STXBP4: variants seen among roughly 807,000 people sequenced by gnomAD.
STXBP4 encodes syntaxin-binding protein 4.
STXBP4 carries 55 observed loss-of-function variants against 76.1 expected under a neutral mutation model. The observed-to-expected ratio is 0.72, with a 90% CI of 0.58 to 0.91. The LOEUF (loss-of-function observed/expected upper bound fraction) is 0.91. Among genes scored for constraint, STXBP4 ranks in the 40% least tolerant of loss-of-function variants. STXBP4 has a pLI of 0.00. For missense variants in STXBP4, 618 were observed against 636.9 expected (o/e 0.97, Z 0.32); for synonymous variants, 201 against 220.2 (o/e 0.91, Z 0.77).
At chr17:54,979,975 A>G (rs768830266) in intron 1 of STXBP4, among the ~76,000 whole-genome samples, 2 of 152,200 alleles carry the variant, frequency 1.3e-5, no homozygotes, top group Non-Finnish European at 2.9e-5. Context: ...GTATTATTTT[A>G]GACTTTGCAA....
rs146409442 is a variant in STXBP4 at position 54,976,864 on chromosome 17, G to GT, written c.-157+8050dup. Among the ~76,000 whole-genome samples, 525 of 152,234 alleles carry GT rather than the reference G, an allele frequency of 3.4e-3. 7 individuals are homozygous for GT. Among genetic ancestry groups the GT allele is most frequent in the African/African-American group, 0.012 (509 of 41,536 alleles). Reference sequence around the variant, plus strand: ...TTGTCTTCCACAAAACTGGTCCCTGGTACCAAAAAGGTTGGGGACTGCTGG... The same window carrying GT: ...TTGTCTTCCACAAAACTGGTCCCTGGTTACCAAAAAGGTTGGGGACTGCTGG... On this transcript the variant is annotated intron_variant, in intron 1 of 17. Coordinates refer to ENST00000376352, the MANE Select transcript of STXBP4 (RefSeq NM_178509.6).
At chr17:55,066,612 A>G (rs956521543) in intron 12 of STXBP4, among the ~76,000 whole-genome samples, 1 of 152,332 alleles carries the variant, frequency 6.6e-6, no homozygotes, top group Non-Finnish European at 1.5e-5. Context: ...AAAATTGACA[A>G]ACAAGTATAA....
chr17:55,015,307 C>CA (rs1355621851), intron 8 of STXBP4, among the ~76,000 whole-genome samples: 1 of 152,154 alleles, frequency 6.6e-6, no homozygotes. Context: ...TTCTGTGTCC[C>CA]AATGAGGGTC....
chr17:55,135,282 C>A (rs1231952896), intron 16 of STXBP4, among the ~76,000 whole-genome samples: 2 of 152,046 alleles, frequency 1.3e-5, no homozygotes, highest in African/African-American at 4.8e-5. Flanking sequence ...AGAAATAGCT[C>A]ATATCTAATT....
At chr17:55,041,083 T>C (rs2078690683) in intron 10 of STXBP4, among the ~76,000 whole-genome samples, 1 of 152,122 alleles carries the variant, frequency 6.6e-6, no homozygotes, top group African/African-American at 2.4e-5. Context: ...CTATTTTGCC[T>C]CTCAAAATAG....
rs1440304583 is a variant in STXBP4 at position 55,171,427 on chromosome 17, G to T, written c.*11516G>T. On this transcript the variant is annotated 3_prime_UTR_variant, in exon 18 of 18. Transcript: ENST00000376352. ...TCCTTTAATTCTTATTTTGCTTAAG[G>T]CTGAGTTTTTAAAACATCTAACATC... The T allele has an allele frequency of 6.6e-6, 1 of 152,104 alleles. No individual in the cohort carries two copies. Among genetic ancestry groups the T allele is most frequent in the Non-Finnish European group, 1.5e-5 (1 of 68,000 alleles). 9.4% of individuals were successfully genotyped at this position (152,104 alleles called of 1,614,324 possible).
At chr17:54,983,289 A>G (rs2077576204) in intron 1 of STXBP4, among the ~76,000 whole-genome samples, 1 of 152,190 alleles carries the variant, frequency 6.6e-6, no homozygotes, top group Admixed American at 6.5e-5. Flanking sequence ...TTTATTTTAA[A>G]CCTTAAAATA....
At position 54,999,359 on chromosome 17, in the gene STXBP4, G is replaced by A. The variant is rs1178745720; in HGVS notation, c.195G>A (p.Lys65=). 1 of 1,610,648 alleles carries A rather than the reference G, an allele frequency of 6.2e-7. No homozygotes were observed. The highest frequency in any genetic ancestry group is 1.3e-5 in the African/African-American group (1 of 74,818). ...GTTTTTGTTAGGATGGTCGTTTGAAGCCAGGAGATCAACTTGTCTCAGTCA... is the reference window on the plus strand; with the variant it reads ...GTTTTTGTTAGGATGGTCGTTTGAAACCAGGAGATCAACTTGTCTCAGTCA... ...GGDCYKDGRL[K]PGDQLVSVNK... Residue 65 remains lysine, a synonymous_variant, in exon 5 of 18, where the codon AAG becomes AAA. Coordinates refer to ENST00000376352, the MANE Select transcript of STXBP4 (RefSeq NM_178509.6).
rs114234248 is a variant in STXBP4 at position 55,083,534 on chromosome 17, A to G, written c.1489+2351A>G. 7.0e-3 allele frequency among the ~76,000 whole-genome samples: 1,070 copies of G among 152,228 alleles called. 15 individuals are homozygous for G. The highest frequency in any genetic ancestry group is 0.024 in the African/African-American group (1,011 of 41,542). On this transcript the variant is annotated intron_variant, in intron 16 of 17. Transcript: ENST00000376352. ...CAAAAGTTAATGGCTTAAACCAACA[A>G]TTTAGTATTGTCTCTCATGGTCCTT...
intron 12 of STXBP4, among the ~76,000 whole-genome samples, chr17:55,049,231 A>G (rs996027534): frequency 1.3e-5 from 2 of 151,936 alleles, no homozygotes; most frequent in African/African-American, 4.8e-5. Flanking sequence ...CACACATGAT[A>G]TTCCTGAAGA....
In STXBP4 at chr17:55,053,366, T is replaced by C. The variant is rs374354974; in HGVS notation, c.1011+6212T>C. On this transcript the variant is annotated intron_variant, in intron 12 of 17. Transcript: ENST00000376352. ...ATGTATATTTATATATACATGTGTG[T>C]TATTTATACACATATATGTAATTGC... 1.5e-3 allele frequency among the ~76,000 whole-genome samples: 222 copies of C among 152,230 alleles called. 7 individuals are homozygous for C. In the South Asian group the frequency reaches 0.045, roughly 31 times the overall value.
In STXBP4 at chr17:55,108,437, C is replaced by T. The variant is rs2079663521; in HGVS notation, c.1489+27254C>T. ...TGAACAGTTCTGTCTCACTGGTGTT[C>T]CAGCTGCCATTGGGGTGTGAAAAAA... On this transcript the variant is annotated intron_variant, in intron 16 of 17. Coordinates refer to ENST00000376352, the MANE Select transcript of STXBP4 (RefSeq NM_178509.6). Among the ~76,000 whole-genome samples, 2 of 152,136 alleles carry T rather than the reference C, an allele frequency of 1.3e-5. 1 individual carries two copies. Among genetic ancestry groups the T allele is most frequent in the South Asian group, 4.1e-4 (2 of 4,824 alleles).
At chr17:54,989,721 G>A (rs2077685629) in intron 3 of STXBP4, among the ~76,000 whole-genome samples, 1 of 152,136 alleles carries the variant, frequency 6.6e-6, no homozygotes, top group African/African-American at 2.4e-5. Context: ...TTCAAGTTTT[G>A]TTTGACCAGT....
rs568142884 is a variant in STXBP4 at position 55,103,382 on chromosome 17, T to G, written c.1489+22199T>G. On this transcript the variant is annotated intron_variant, in intron 16 of 17. Coordinates refer to ENST00000376352, the MANE Select transcript of STXBP4 (RefSeq NM_178509.6). ...AGTTTTCCCAACACCGTTTATTAAA[T>G]AGGGAATCCTTTCTCCATTGCTTGT... 3.9e-5 allele frequency among the ~76,000 whole-genome samples: 6 copies of G among 152,340 alleles called. No individual in the cohort carries two copies. The South Asian group carries it at 1.0e-3, about 26-fold the overall frequency.
At chr17:55,212,074 C>G in the STXBP4 span, among the ~76,000 whole-genome samples, 1 of 151,924 alleles carries the variant, frequency 6.6e-6, no homozygotes, top group African/African-American at 2.4e-5. Flanking sequence ...CCCGCCTCAG[C>G]CTCCCAAAGT....
chr17:55,198,328 T>C, the STXBP4 span, among the ~76,000 whole-genome samples: 1 of 152,190 alleles, frequency 6.6e-6, no homozygotes, highest in Non-Finnish European at 1.5e-5. Flanking sequence ...TTCCTTTTGA[T>C]TTACTTCTAA....
chr17:54,996,855 T>C (rs540982974), intron 4 of STXBP4, among the ~76,000 whole-genome samples: 7 of 152,380 alleles, frequency 4.6e-5, no homozygotes, highest in Non-Finnish European at 8.8e-5. Context: ...ATGTATTATT[T>C]AGAAAACTAT....
At chr17:54,977,462 A>G (rs114840050) in intron 1 of STXBP4, among the ~76,000 whole-genome samples, 38 of 152,348 alleles carry the variant, frequency 2.5e-4, no homozygotes, top group African/African-American at 9.1e-4. Context: ...GATTTAAAAT[A>G]TAGGAGAGGA....
chr17:55,204,883 T>A, the STXBP4 span, among the ~76,000 whole-genome samples: 1 of 151,724 alleles, frequency 6.6e-6, no homozygotes, highest in Non-Finnish European at 1.5e-5. Context: ...AATCTAGAGC[T>A]ACATACACAT....
Sources: allele counts gnomAD v4.1 joint callset (sites outside exome capture counted in the v4.1 genomes callset), GRCh38; gene constraint gnomAD v4.1.1; transcripts MANE v1.5; gene names NCBI Gene and HGNC (gene_info 2026-07-23, HGNC 2026-07-21).